Variants in TMEM255A observed in about 807,000 individuals in gnomAD.
The protein encoded by TMEM255A is family with sequence similarity 70, member A.
TMEM255A carries 14 observed loss-of-function variants against 23.5 expected under a neutral mutation model. The ratio of observed to expected loss-of-function variants is 0.60; its 90% CI spans 0.39 to 0.93. The LOEUF (loss-of-function observed/expected upper bound fraction) is 0.93. Among genes scored for constraint, TMEM255A ranks in the 40% least tolerant of loss-of-function variants. The pLI is 0.00. For missense variants in TMEM255A, 233 were observed against 261.7 expected (o/e 0.89, Z 0.76); for synonymous variants, 104 against 100.3 (o/e 1.04, Z -0.22).
downstream of TMEM255A, chrX:120,254,285 A>G (rs577598043): frequency 1.7e-6 from 2 of 1,211,902 alleles, no homozygotes; most frequent in Non-Finnish European, 1.1e-6. Flanking sequence ...CACTTTCTAC[A>G]CCACCAAATG....
chrX:120,266,198 C>T (rs1284279369), intron 8 of TMEM255A, among the ~76,000 whole-genome samples: 1 of 108,773 alleles, frequency 9.2e-6, no homozygotes, highest in Admixed American at 9.8e-5. Context: ...CCCAAAGTCT[C>T]TGCTACAAGC....
downstream of TMEM255A, chrX:120,257,235 CAT>C (rs2057644305): frequency 8.1e-5 from 10 of 122,946 alleles, no homozygotes; most frequent in South Asian, 3.3e-3. Flanking sequence ...CTGGAATCAC[CAT>C]ATGTTTCTTT....
At chrX:120,307,488 G>T (rs2058072172) in intron 1 of TMEM255A, among the ~76,000 whole-genome samples, 1 of 112,219 alleles carries the variant, frequency 8.9e-6, no homozygotes, top group South Asian at 3.7e-4. Context: ...GCAGGTATAT[G>T]AAAATCATGC....
At chrX:120,302,045 A>G (rs781956887) in intron 2 of TMEM255A, among the ~76,000 whole-genome samples, 19 of 111,871 alleles carry the variant, frequency 1.7e-4, no homozygotes, top group Non-Finnish European at 3.8e-5. Context: ...CACATTTTTA[A>G]AGGTTAAATC....
In TMEM255A at chrX:120,292,715, G is replaced by A. The variant is rs1040854010; in HGVS notation, c.264+1274C>T. ...ACAGAGGTTGCAGTGAGCCGAGATGGTGCCACTCCACTCCAGCCTGGGCGA... is the reference window on the plus strand; with the variant it reads ...ACAGAGGTTGCAGTGAGCCGAGATGATGCCACTCCACTCCAGCCTGGGCGA... On this transcript the variant is annotated intron_variant, in intron 3 of 8. Coordinates refer to ENST00000371369, the MANE Select transcript of TMEM255A (RefSeq NM_001104544.3). 5.6e-5 allele frequency among the ~76,000 whole-genome samples: 6 copies of A among 107,382 alleles called. No homozygotes were observed. The East Asian group carries it at 8.8e-4, about 16-fold the overall frequency. 93.2% of individuals were successfully genotyped at this position (107,382 alleles called of 115,157 possible).
At chrX:120,309,564 A>T (rs1161927910) in intron 1 of TMEM255A, among the ~76,000 whole-genome samples, 1 of 111,397 alleles carries the variant, frequency 9.0e-6, no homozygotes, top group Admixed American at 9.4e-5. Flanking sequence ...GAACCCCAGC[A>T]CTCTTCCACT....
chrX:120,263,256 T>C (rs1474133099), intron 8 of TMEM255A, among the ~76,000 whole-genome samples: 1 of 110,764 alleles, frequency 9.0e-6, no homozygotes, highest in Non-Finnish European at 1.9e-5. Context: ...TGCCTGAGAG[T>C]GTGACTTTAA....
downstream of TMEM255A, chrX:120,256,542 G>T (rs1448815012): frequency 8.2e-6 from 1 of 122,421 alleles, no homozygotes; most frequent in Non-Finnish European, 1.9e-5. Context: ...TATTCCATCT[G>T]CAAATTGCTG....
chrX:120,279,998 C>CTTTTTTTTT (rs59428362), intron 6 of TMEM255A, among the ~76,000 whole-genome samples: 480 of 38,110 alleles, frequency 0.013, no homozygotes, highest in Non-Finnish European at 0.014. Flanking sequence ...CCTTTTCTTT[C>CTTTTTTTTT]TTTTTTTTTT....
chrX:120,252,551 C>A, the TMEM255A span: 1 of 111,869 alleles, frequency 8.9e-6, no homozygotes, highest in African/African-American at 3.3e-5. Flanking sequence ...GGAAAAAATT[C>A]TCATACCAAT....
At chrX:120,298,237 T>C (rs145399927) in intron 2 of TMEM255A, among the ~76,000 whole-genome samples, 3,457 of 110,790 alleles carry the variant, frequency 0.031, 131 homozygotes, top group African/African-American at 0.11. Flanking sequence ...AATTAGTCAT[T>C]AGGTAAATAT....
the TMEM255A span, among the ~76,000 whole-genome samples, chrX:120,252,325 T>C: frequency 4.5e-5 from 5 of 110,737 alleles, no homozygotes; most frequent in African/African-American, 1.6e-4. Context: ...TATTAAAATA[T>C]ATCCATATAT....
intron 8 of TMEM255A, among the ~76,000 whole-genome samples, chrX:120,264,819 G>A (rs1556017246): frequency 9.2e-6 from 1 of 109,070 alleles, no homozygotes; most frequent in Admixed American, 9.9e-5. Context: ...GAGTGCATTT[G>A]CTGACTCCTT....
At chrX:120,294,544 G>A (rs1461350307) in intron 2 of TMEM255A, among the ~76,000 whole-genome samples, 1 of 111,127 alleles carries the variant, frequency 9.0e-6, no homozygotes, top group Non-Finnish European at 1.9e-5. Context: ...GTTTTCCCTT[G>A]TAGCTATGAA....
chrX:120,251,749 A>G, the TMEM255A span, among the ~76,000 whole-genome samples: 1 of 112,224 alleles, frequency 8.9e-6, no homozygotes, highest in South Asian at 3.7e-4. Context: ...GTCGAATCGC[A>G]TATCTTCGGA....
At chrX:120,264,747 T>C (rs2057703436) in intron 8 of TMEM255A, among the ~76,000 whole-genome samples, 1 of 110,117 alleles carries the variant, frequency 9.1e-6, no homozygotes, top group East Asian at 2.9e-4. Context: ...CAGAAGAGCA[T>C]GAGGGAGCTC....
chrX:120,267,061 T>G (rs1292965762), intron 8 of TMEM255A, among the ~76,000 whole-genome samples: 1 of 112,206 alleles, frequency 8.9e-6, no homozygotes, highest in African/African-American at 3.2e-5. Flanking sequence ...ACAAAAAAAT[T>G]TGCAACCTCT....
At chrX:120,280,392 G>C (rs1556020636) in intron 6 of TMEM255A, among the ~76,000 whole-genome samples, 2 of 102,560 alleles carry the variant, frequency 2.0e-5, no homozygotes, top group Non-Finnish European at 4.0e-5. Context: ...CTTGGTTTCA[G>C]TTTGAGTGGT....
chrX:120,255,212 T>C (rs1212769306), downstream of TMEM255A: 1 of 1,211,781 alleles, frequency 8.3e-7, no homozygotes, highest in East Asian at 3.0e-5. Flanking sequence ...AATATGCATA[T>C]CTTTCCGATA....
Sources: allele counts gnomAD v4.1 joint callset (sites outside exome capture counted in the v4.1 genomes callset), GRCh38; gene constraint gnomAD v4.1.1; transcripts MANE v1.5; gene names NCBI Gene and HGNC (gene_info 2026-07-23, HGNC 2026-07-21).